EXOC4: variants seen among roughly 807,000 people sequenced by gnomAD.
EXOC4 encodes the protein SEC8-like 1.
Under a neutral mutation model 107.2 loss-of-function variants are expected in EXOC4, and 71 were observed. The observed-to-expected ratio is 0.66, with a 90% CI of 0.55 to 0.81. The LOEUF (loss-of-function observed/expected upper bound fraction) is 0.81. EXOC4 is among the 30% of genes least tolerant of loss of function. The probability of loss-of-function intolerance (pLI) is 0.00; values close to 1 mark genes in which losing one functional copy is unlikely to be tolerated. For synonymous variants in EXOC4, 456 were observed against 441.2 expected, an observed-to-expected ratio of 1.03 and a Z score of -0.42; for missense variants, 1,108 against 1,189.6, an observed-to-expected ratio of 0.93 and a Z score of 1.01.
Position 133,902,481 on chromosome 7 carries a change from A to G in EXOC4, c.1871+6746A>G, listed in dbSNP as rs369153883. ...TAACAGTGAACTAAGCAGATTAAAT[A>G]TCTGCTTTCATGGGGTTTATGTTCT... On this transcript the variant is annotated intron_variant, in intron 12 of 17. Transcript: ENST00000253861. 1.1e-4 allele frequency among the ~76,000 whole-genome samples: 17 copies of G among 152,344 alleles called. No individual in the cohort carries two copies. In the East Asian group the frequency reaches 1.4e-3, roughly 12 times the overall value.
At chr7:133,879,960 C>T (rs1227073493) in intron 11 of EXOC4, among the ~76,000 whole-genome samples, 2 of 152,166 alleles carry the variant, frequency 1.3e-5, no homozygotes, top group East Asian at 1.9e-4. Flanking sequence ...AACCCTTTCT[C>T]GATTCCTTGA....
At chr7:133,903,383 A>T (rs1228187431) in intron 12 of EXOC4, among the ~76,000 whole-genome samples, 2 of 152,220 alleles carry the variant, frequency 1.3e-5, no homozygotes, top group African/African-American at 4.8e-5. Flanking sequence ...CCCAGGTGAG[A>T]AATGAAGACT....
intron 11 of EXOC4, among the ~76,000 whole-genome samples, chr7:133,865,829 A>G (rs944843902): frequency 1.3e-5 from 2 of 152,218 alleles, no homozygotes; most frequent in Admixed American, 6.5e-5. Context: ...GCATGATCCA[A>G]TCACCTCTCA....
At position 134,065,511 on chromosome 7, in the gene EXOC4, A is replaced by C. The variant is rs1304212492; in HGVS notation, c.*983A>C. 2 of 152,264 alleles carry C rather than the reference A, an allele frequency of 1.3e-5. No individual in the cohort carries two copies. The highest frequency in any genetic ancestry group is 2.9e-5 in the Non-Finnish European group (2 of 68,164). The allele number at this position is 152,264 out of a possible 1,614,324, so 9.4% of individuals were successfully genotyped here. ...TGTGGGCACTTACCATGTTCCTGGC[A>C]CACTGGACCTCACCATGTCCCCCGG... is the stretch of plus-strand genomic sequence containing the variant. On this transcript the variant is annotated 3_prime_UTR_variant, in exon 18 of 18. Transcript: ENST00000253861.
chr7:133,358,474 C>T (rs1796071708), intron 6 of EXOC4, among the ~76,000 whole-genome samples: 1 of 152,164 alleles, frequency 6.6e-6, no homozygotes, highest in African/African-American at 2.4e-5. Flanking sequence ...ATTCCATGTT[C>T]TATGATCACT....
chr7:133,669,968 C>T (rs1793910321), intron 10 of EXOC4, among the ~76,000 whole-genome samples: 1 of 152,104 alleles, frequency 6.6e-6, no homozygotes, highest in Non-Finnish European at 1.5e-5. Flanking sequence ...TTAGGAAGTT[C>T]ATTTTCTTTT....
intron 10 of EXOC4, among the ~76,000 whole-genome samples, chr7:133,636,467 T>C (rs578144363): frequency 6.6e-6 from 1 of 152,328 alleles, no homozygotes; most frequent in East Asian, 1.9e-4. Flanking sequence ...GAATTGCTGC[T>C]TATTTGCTTC....
intron 7 of EXOC4, among the ~76,000 whole-genome samples, chr7:133,397,160 C>T (rs988597315): frequency 6.8e-6 from 1 of 147,764 alleles, no homozygotes; most frequent in African/African-American, 2.5e-5. Flanking sequence ...CGGAATTTCG[C>T]TCTTGTTGCC....
At chr7:133,862,278 G>A (rs1201106772) in intron 11 of EXOC4, among the ~76,000 whole-genome samples, 4 of 151,870 alleles carry the variant, frequency 2.6e-5, no homozygotes, top group Non-Finnish European at 5.9e-5. Flanking sequence ...GATCACACCA[G>A]GAGTTCAAGA....
intron 12 of EXOC4, among the ~76,000 whole-genome samples, chr7:133,912,058 C>A (rs1044726286): frequency 2.6e-5 from 4 of 152,130 alleles, no homozygotes; most frequent in African/African-American, 9.7e-5. Context: ...TTTTTAAAAA[C>A]CATTTTAAAA....
chr7:133,846,494 G>GT (rs1291876907), intron 11 of EXOC4, among the ~76,000 whole-genome samples: 13 of 152,284 alleles, frequency 8.5e-5, no homozygotes, highest in Admixed American at 5.9e-4. Context: ...GTTCCTACGG[G>GT]TTTAGGGAGT....
At chr7:133,792,504 G>T (rs1309486275) in intron 10 of EXOC4, among the ~76,000 whole-genome samples, 2 of 120,378 alleles carry the variant, frequency 1.7e-5, no homozygotes, top group African/African-American at 3.3e-5. Context: ...AGTGAGCTGA[G>T]ATCACACCAC....
chr7:133,501,675 G>A (rs368878983), intron 9 of EXOC4, among the ~76,000 whole-genome samples: 76 of 152,222 alleles, frequency 5.0e-4, no homozygotes, highest in Middle Eastern at 3.4e-3. Context: ...GGGAATGGCT[G>A]TTTTATGGAA....
chr7:133,980,382 C>G lies in EXOC4; in HGVS notation c.2207-17110C>G, dbSNP rs146464706. Reference sequence around the variant, plus strand: ...AATGTGCTGAGCACTTACTGTGTGCCGAAGGTTGTTCTAAATGCTTCATGT... The same window carrying G: ...AATGTGCTGAGCACTTACTGTGTGCGGAAGGTTGTTCTAAATGCTTCATGT... On this transcript the variant is annotated intron_variant, in intron 14 of 17. Transcript: ENST00000253861. Among the ~76,000 whole-genome samples the G allele has an allele frequency of 5.0e-3, 762 of 152,298 alleles. 5 individuals carry two copies. The highest frequency in any genetic ancestry group is 0.018 in the African/African-American group (733 of 41,568).
intron 10 of EXOC4, among the ~76,000 whole-genome samples, chr7:133,689,309 T>C (rs1794370112): frequency 6.6e-6 from 1 of 152,158 alleles, no homozygotes; most frequent in Non-Finnish European, 1.5e-5. Flanking sequence ...ATGAAGGAAT[T>C]GTTAAAGAAA....
chr7:133,735,046 T>TAAAAAAAAA (rs3076789), intron 10 of EXOC4, among the ~76,000 whole-genome samples: 6 of 94,734 alleles, frequency 6.3e-5, no homozygotes, highest in Non-Finnish European at 1.2e-4. Flanking sequence ...CCGTCTCTGC[T>TAAAAAAAAA]AAAAAAAAAA....
At chr7:133,590,915 AT>A (rs1237354238) in intron 9 of EXOC4, among the ~76,000 whole-genome samples, 1 of 152,168 alleles carries the variant, frequency 6.6e-6, no homozygotes, top group African/African-American at 2.4e-5. Flanking sequence ...ACAGTATAAC[AT>A]TCCCTCTGGG....
In EXOC4 at chr7:133,529,978, A is replaced by G. The variant is rs572759597; in HGVS notation, c.1417+49840A>G. ...AGTTTACTATGTGCCAGCCACATACATGCGTTATTTTATTTAATCCTGTAG... is the reference window on the plus strand; with the variant it reads ...AGTTTACTATGTGCCAGCCACATACGTGCGTTATTTTATTTAATCCTGTAG... On this transcript the variant is annotated intron_variant, in intron 9 of 17. Transcript: ENST00000253861. 7.9e-5 allele frequency among the ~76,000 whole-genome samples: 12 copies of G among 152,242 alleles called. 1 individual carries two copies. In the South Asian group the frequency reaches 1.7e-3, roughly 21 times the overall value.
intron 10 of EXOC4, 56 bp downstream of exon 10, chr7:133,630,197 T>A: frequency 3.0e-6 from 4 of 1,350,986 alleles, no homozygotes; most frequent in Non-Finnish European, 4.2e-6. Flanking sequence ...TTATTTATGC[T>A]GGTCTACTGA....
Sources: gnomAD v4.1 joint callset for allele counts (sites outside exome capture counted in the v4.1 genomes callset) on GRCh38, gnomAD v4.1.1 for gene constraint, MANE v1.5 for transcripts, NCBI Gene and HGNC (gene_info 2026-07-23, HGNC 2026-07-21) for gene names.